Variants in GMFG observed in about 807,000 individuals in gnomAD.
The protein encoded by GMFG is glia maturation factor gamma.
Under a neutral mutation model 26.1 loss-of-function variants are expected in GMFG, and 21 were observed. The ratio of observed to expected loss-of-function variants is 0.80; its 90% CI spans 0.57 to 1.16. The LOEUF (loss-of-function observed/expected upper bound fraction) is 1.16. GMFG is among the 50% of genes most tolerant of loss of function. GMFG has a pLI of 0.00. For synonymous variants in GMFG, 65 were observed against 60.8 expected (o/e 1.07, Z -0.32); for missense variants, 161 against 178.3 (o/e 0.90, Z 0.55).
intron 4 of GMFG, 190 bp downstream of exon 4, chr19:39,332,887 G>T: frequency 2.5e-6 from 1 of 396,180 alleles, no homozygotes. Flanking sequence ...TTGAACTCCT[G>T]ACCTCAAGTG....
Position 39,329,625 on chromosome 19 carries a change from A to C in GMFG, c.202T>G (p.Phe68Val). Residue 68 changes from phenylalanine to valine, a missense_variant and splice_region_variant, in exon 5 of 7, where the codon TTC becomes GTC. Phe to Val is a conservative substitution (Grantham distance 50). Transcript: ENST00000597595. ...ACGTACTTGTAGCTGTAAACCACGA[A>C]CCTACCGTGAAAGGGAATTGAAAAT... ...KMELPERQPR[F>V]VVYSYKYVHD... 1 of 1,597,094 alleles carries C rather than the reference A, an allele frequency of 6.3e-7. No individual in the cohort carries two copies. The highest frequency in any genetic ancestry group is 1.1e-5 in the South Asian group (1 of 90,640).
At chr19:39,333,597 A>C (rs2075236181) in intron 3 of GMFG, among the ~76,000 whole-genome samples, 1 of 152,008 alleles carries the variant, frequency 6.6e-6, no homozygotes, top group Non-Finnish European at 1.5e-5. Flanking sequence ...AAAAAAAAAA[A>C]AAAAGAATGA....
At chr19:39,333,050 AT>A in intron 4 of GMFG, 26 bp downstream of exon 4, 2 of 1,555,904 alleles carry the variant, frequency 1.3e-6, no homozygotes, top group Non-Finnish European at 1.8e-6. Context: ...TCATGGCCTG[AT>A]CCAACCCTTT....
intron 4 of GMFG, among the ~76,000 whole-genome samples, chr19:39,331,076 G>A (rs995251487): frequency 2.6e-5 from 4 of 152,072 alleles, no homozygotes; most frequent in African/African-American, 7.2e-5. Flanking sequence ...GTGCTCCCTC[G>A]GGCATGAGGA....
At chr19:39,333,403 G>A (rs1036911436) in intron 3 of GMFG, among the ~76,000 whole-genome samples, 4 of 151,872 alleles carry the variant, frequency 2.6e-5, no homozygotes, top group South Asian at 2.1e-4. Flanking sequence ...CCGAGATCGC[G>A]CCACTGCACT....
rs376261266 is a variant in GMFG, at chr19:39,336,015, G to A, written c.-39C>T. Reference sequence around the variant, plus strand: ...ACAGGCCTCTTCTTTTCTTAGTTCCGCTGTCTTCTAGGCGTGGGGACCGGG... The same window carrying A: ...ACAGGCCTCTTCTTTTCTTAGTTCCACTGTCTTCTAGGCGTGGGGACCGGG... On this transcript the variant is annotated 5_prime_UTR_variant, in exon 1 of 7. Transcript: ENST00000597595. 7.5e-6 allele frequency: 12 copies of A among 1,589,502 alleles called. No homozygotes were observed. Among genetic ancestry groups the A allele is most frequent in the African/African-American group, 2.7e-5 (2 of 74,328 alleles).
chr19:39,335,500 G>A lies in GMFG; in HGVS notation c.35C>T (p.Pro12Leu), dbSNP rs199983045. Residue 12 changes from proline to leucine, a missense_variant, in exon 2 of 7, where the codon CCA (proline) becomes CTA (leucine). Transcript: ENST00000597595. ...SDSLVVCEVD[P>L]ELTEKLRKFR... ...TTTCCTCAGCTTTTCTGTTAGCTCTGGGTCTACCTCGCACACCACCAGGGA... is the reference window on the plus strand; with the variant it reads ...TTTCCTCAGCTTTTCTGTTAGCTCTAGGTCTACCTCGCACACCACCAGGGA... 1.1e-5 allele frequency: 18 copies of A among 1,613,850 alleles called. No homozygotes were observed. In the East Asian group the frequency reaches 4.0e-4, roughly 36 times the overall value.
chr19:39,331,513 T>G (rs1310743737), intron 4 of GMFG, among the ~76,000 whole-genome samples: 1 of 152,176 alleles, frequency 6.6e-6, no homozygotes, highest in Non-Finnish European at 1.5e-5. Context: ...ATGAAAAATC[T>G]TAGCAGACCA....
rs367559060 is a variant in GMFG, at chr19:39,335,397, C to T, written c.100+38G>A. 4.0e-5 allele frequency: 64 copies of T among 1,583,094 alleles called. 1 individual carries two copies. In the African/African-American group the frequency reaches 7.7e-4, roughly 19 times the overall value. ...AGCCCTCCCTATCTGCCCTCACCAC[C>T]GCCCTCCCATCCTTCTGTGGGGGAA... On this transcript the variant is annotated intron_variant, in intron 2 of 6. Transcript: ENST00000597595.
Position 39,333,124 on chromosome 19 carries a change from G to C in GMFG, c.153C>G (p.Asn51Lys). 6.3e-7 allele frequency: 1 copy of C among 1,577,812 alleles called. No homozygotes were observed. The highest frequency in any genetic ancestry group is 1.1e-5 in the South Asian group (1 of 90,294). Residue 51 changes from asparagine (N) to lysine (K), a missense_variant and splice_region_variant, in exon 4 of 7, where the codon AAC becomes AAG. Coordinates refer to ENST00000597595, the MANE Select transcript of GMFG (RefSeq NM_004877.4). ...CCATTTTGAGCTCCTCTGGGGAAAT[G>C]TTCTGAGGCAAGAAAACAGAAGAAA... ...QMVVLEEEFQ[N>K]ISPEELKMEL... is the part of the protein sequence containing the mutation.
Position 39,335,264 on chromosome 19 carries a change from A to T in GMFG, c.147T>A (p.Phe49Leu). ...DRQMVVLEEE[F>L]QNISPEELKM... ...CCCAATCACCCCAGCCCATCACCTG[A>T]AATTCTTCCTCCAGCACCACCATCT... Residue 49 changes from phenylalanine (F) to leucine (L), a missense_variant, in exon 3 of 7, where the codon TTT becomes TTA. By Grantham distance (22) the Phe-to-Leu change is conservative. Coordinates refer to ENST00000597595, the MANE Select transcript of GMFG (RefSeq NM_004877.4). 1 of 1,557,440 alleles carries T rather than the reference A, an allele frequency of 6.4e-7. No individual in the cohort carries two copies. The highest frequency in any genetic ancestry group is 8.7e-7 in the Non-Finnish European group (1 of 1,150,962).
At chr19:39,334,313 G>C (rs572501386) in intron 3 of GMFG, among the ~76,000 whole-genome samples, 1 of 152,256 alleles carries the variant, frequency 6.6e-6, no homozygotes, top group Admixed American at 6.5e-5. Flanking sequence ...ACGGCACCCA[G>C]CCGAGATGGG....
At chr19:39,333,853 G>A (rs560498781) in intron 3 of GMFG, among the ~76,000 whole-genome samples, 1 of 152,098 alleles carries the variant, frequency 6.6e-6, no homozygotes, top group African/African-American at 2.4e-5. Context: ...GCCTTTCAGA[G>A]GGCCTGAGAG....
intron 4 of GMFG, 26 bp downstream of exon 4, chr19:39,333,051 T>C (rs1270229371): frequency 1.3e-6 from 2 of 1,557,420 alleles, no homozygotes; most frequent in East Asian, 2.3e-5. Flanking sequence ...CATGGCCTGA[T>C]CCAACCCTTT....
At chr19:39,333,680 C>A (rs1185715892) in intron 3 of GMFG, among the ~76,000 whole-genome samples, 1 of 151,740 alleles carries the variant, frequency 6.6e-6, no homozygotes, top group African/African-American at 2.4e-5. Flanking sequence ...ATTCATGCAA[C>A]TATCCCGTAA....
At chr19:39,331,600 CTGA>C (rs1207915464) in intron 4 of GMFG, among the ~76,000 whole-genome samples, 1 of 152,128 alleles carries the variant, frequency 6.6e-6, no homozygotes, top group African/African-American at 2.4e-5. Flanking sequence ...AGGATTCTAC[CTGA>C]TAGTTAAAAG....
At chr19:39,332,622 A>G (rs1188849594) in intron 4 of GMFG, among the ~76,000 whole-genome samples, 5 of 148,772 alleles carry the variant, frequency 3.4e-5, no homozygotes, top group African/African-American at 1.2e-4. Flanking sequence ...AAAAAGTTCT[A>G]GAGTATGAAC....
intron 3 of GMFG, among the ~76,000 whole-genome samples, chr19:39,333,687 G>A (rs1362451919): frequency 6.6e-6 from 1 of 151,686 alleles, no homozygotes; most frequent in African/African-American, 2.4e-5. Flanking sequence ...CAACTATCCC[G>A]TAAGTCTGTG....
At chr19:39,334,320 T>C (rs2075240076) in intron 3 of GMFG, among the ~76,000 whole-genome samples, 1 of 151,968 alleles carries the variant, frequency 6.6e-6, no homozygotes, top group Non-Finnish European at 1.5e-5. Context: ...CCAGCCGAGA[T>C]GGGGTCTTGC....
Sources: allele counts gnomAD v4.1 joint callset (sites outside exome capture counted in the v4.1 genomes callset), GRCh38; gene constraint gnomAD v4.1.1; transcripts MANE v1.5; gene names NCBI Gene and HGNC (gene_info 2026-07-23, HGNC 2026-07-21).